CDK8: variants seen among roughly 807,000 people sequenced by gnomAD.
CDK8 encodes cyclin-dependent kinase 8.
Under a neutral mutation model 71.5 loss-of-function variants are expected in CDK8, and 29 were observed. The ratio of observed to expected loss-of-function variants is 0.41; its 90% CI spans 0.30 to 0.55. The LOEUF is 0.55. Ranked by LOEUF, CDK8 falls within the 20% of genes least tolerant of loss-of-function variation. The pLI is 0.37. For synonymous variants in CDK8, 161 were observed against 192.1 expected, an observed-to-expected ratio of 0.84 and a Z score of 1.34; for missense variants, 288 against 572.6, an observed-to-expected ratio of 0.50 and a Z score of 5.07.
intron 1 of CDK8, among the ~76,000 whole-genome samples, chr13:26,320,419 TA>T (rs111530234): frequency 6.7e-6 from 1 of 150,188 alleles, no homozygotes; most frequent in Non-Finnish European, 1.5e-5. Flanking sequence ...TCTTAAAAAT[TA>T]AAAAAAAAGA....
intron 1 of CDK8, among the ~76,000 whole-genome samples, chr13:26,311,502 T>C (rs1874282820): frequency 6.6e-6 from 1 of 152,244 alleles, no homozygotes; most frequent in East Asian, 1.9e-4. Flanking sequence ...TCAGGCAACT[T>C]CTAGTTACAT....
chr13:26,382,569 A>C (rs1461313562), intron 4 of CDK8, among the ~76,000 whole-genome samples: 1 of 152,212 alleles, frequency 6.6e-6, no homozygotes, highest in African/African-American at 2.4e-5. Flanking sequence ...ACAGACTGAT[A>C]AGAGGGCCAA....
chr13:26,262,489 T>C lies in CDK8; in HGVS notation c.128+7720T>C, dbSNP rs183942392. Among the ~76,000 whole-genome samples the C allele has an allele frequency of 6.5e-3, 994 of 152,320 alleles. 15 individuals carry two copies. The highest frequency in any genetic ancestry group is 0.023 in the African/African-American group (945 of 41,566). On this transcript the variant is annotated intron_variant, in intron 1 of 12. Transcript: ENST00000381527. ...GCATATTACGGGAAGAGTAGAAAAG[T>C]AATACCTGTGAAAATACCAGGAGAA...
intron 1 of CDK8, among the ~76,000 whole-genome samples, chr13:26,303,168 T>G (rs1260423820): frequency 6.6e-6 from 1 of 152,122 alleles, no homozygotes; most frequent in Non-Finnish European, 1.5e-5. Flanking sequence ...TTAATTTTTT[T>G]CTCTTTACTA....
chr13:26,393,793 G>A (rs1875863843), intron 7 of CDK8, among the ~76,000 whole-genome samples: 2 of 152,066 alleles, frequency 1.3e-5, no homozygotes, highest in South Asian at 2.1e-4. Context: ...GATAAAATAT[G>A]TTCAATATCT....
chr13:26,259,599 T>C (rs1438582098), intron 1 of CDK8, among the ~76,000 whole-genome samples: 1 of 152,188 alleles, frequency 6.6e-6, no homozygotes, highest in Non-Finnish European at 1.5e-5. Flanking sequence ...CTTATTTCCA[T>C]GTGGTTGAAG....
intron 1 of CDK8, among the ~76,000 whole-genome samples, chr13:26,313,304 T>C (rs1312797599): frequency 6.6e-6 from 1 of 152,102 alleles, no homozygotes; most frequent in Non-Finnish European, 1.5e-5. Context: ...CTACTACATG[T>C]GATAATCTCA....
chr13:26,301,150 G>C (rs951423327), intron 1 of CDK8, among the ~76,000 whole-genome samples: 7 of 151,260 alleles, frequency 4.6e-5, no homozygotes, highest in African/African-American at 1.7e-4. Context: ...TGTTTGCTTC[G>C]GGTTAGTCAA....
intron 1 of CDK8, among the ~76,000 whole-genome samples, chr13:26,265,515 A>G (rs1400857502): frequency 6.6e-6 from 1 of 152,226 alleles, no homozygotes; most frequent in Non-Finnish European, 1.5e-5. Context: ...TGGCTCCAGA[A>G]TTACTTTATA....
intron 1 of CDK8, among the ~76,000 whole-genome samples, chr13:26,261,312 T>G (rs1378022993): frequency 6.6e-6 from 1 of 152,212 alleles, no homozygotes; most frequent in Non-Finnish European, 1.5e-5. Context: ...AATTGAGATA[T>G]AAGTCACATA....
chr13:26,357,686 A>G (rs1353428129), intron 4 of CDK8, among the ~76,000 whole-genome samples: 1 of 152,216 alleles, frequency 6.6e-6, no homozygotes, highest in African/African-American at 2.4e-5. Context: ...AGGAATTGGC[A>G]CATGCAGTTG....
At chr13:26,391,996 A>G (rs1370517108) in intron 6 of CDK8, among the ~76,000 whole-genome samples, 1 of 152,184 alleles carries the variant, frequency 6.6e-6, no homozygotes, top group Non-Finnish European at 1.5e-5. Flanking sequence ...ATCAGCTTTG[A>G]TAAAATAGTA....
chr13:26,357,817 A>G (rs1435356797), intron 4 of CDK8, among the ~76,000 whole-genome samples: 2 of 152,246 alleles, frequency 1.3e-5, no homozygotes, highest in Non-Finnish European at 2.9e-5. Flanking sequence ...AGGGGAGGTC[A>G]GTCTTGTTCT....
At chr13:26,304,884 A>G (rs566436158) in intron 1 of CDK8, among the ~76,000 whole-genome samples, 1 of 152,094 alleles carries the variant, frequency 6.6e-6, no homozygotes, top group African/African-American at 2.4e-5. Context: ...GCCCAGGCCA[A>G]TCTTGAACTT....
intron 1 of CDK8, among the ~76,000 whole-genome samples, chr13:26,296,415 C>A (rs1302158612): frequency 6.6e-6 from 1 of 152,120 alleles, no homozygotes; most frequent in African/African-American, 2.4e-5. Context: ...CCTTTCTAGA[C>A]CTTTTGTAGA....
chr13:26,345,146 G>A (rs1450140697), intron 2 of CDK8, among the ~76,000 whole-genome samples: 1 of 152,100 alleles, frequency 6.6e-6, no homozygotes, highest in Non-Finnish European at 1.5e-5. Flanking sequence ...TATGCTGTCT[G>A]TTATTGACTG....
At chr13:26,403,493 T>G (rs537511775) in intron 12 of CDK8, among the ~76,000 whole-genome samples, 2 of 152,340 alleles carry the variant, frequency 1.3e-5, no homozygotes, top group Non-Finnish European at 2.9e-5. Flanking sequence ...AAAAATGTAT[T>G]AATGCCAAAG....
At chr13:26,274,896 T>C (rs1347071614) in intron 1 of CDK8, among the ~76,000 whole-genome samples, 3 of 152,212 alleles carry the variant, frequency 2.0e-5, no homozygotes. Context: ...TTCTCCATTA[T>C]ATGCCTTTTA....
At chr13:26,368,691 A>G (rs1340147759) in intron 4 of CDK8, among the ~76,000 whole-genome samples, 3 of 152,328 alleles carry the variant, frequency 2.0e-5, no homozygotes, top group Middle Eastern at 6.8e-3. Context: ...GTCTTTAAGG[A>G]GAATTCTTAA....
Sources: gnomAD v4.1 joint callset for allele counts (sites outside exome capture counted in the v4.1 genomes callset) on GRCh38, gnomAD v4.1.1 for gene constraint, MANE v1.5 for transcripts, NCBI Gene and HGNC (gene_info 2026-07-23, HGNC 2026-07-21) for gene names.